Variants in SPECC1 observed in about 807,000 individuals in gnomAD.
SPECC1 encodes cytospin-B.
Under a neutral mutation model 104.1 loss-of-function variants are expected in SPECC1, and 62 were observed. The observed-to-expected ratio is 0.60, with a 90% CI of 0.49 to 0.74. The LOEUF (loss-of-function observed/expected upper bound fraction) is 0.74. Ranked by LOEUF, SPECC1 falls within the 30% of genes least tolerant of loss-of-function variation. SPECC1 has a pLI of 0.00. For missense variants in SPECC1, 1,306 were observed against 1,310.5 expected, an observed-to-expected ratio of 1.00 and a Z score of 0.05; for synonymous variants, 513 against 501.6, an observed-to-expected ratio of 1.02 and a Z score of -0.30.
chr17:20,035,071 A>G (rs2045009479), intron 1 of SPECC1, among the ~76,000 whole-genome samples: 1 of 152,242 alleles, frequency 6.6e-6, no homozygotes, highest in South Asian at 2.1e-4. Context: ...AAGTGTTTTA[A>G]CACCTTTGTC....
chr17:20,085,715 G>C (rs1243975050), intron 1 of SPECC1, among the ~76,000 whole-genome samples: 4 of 152,216 alleles, frequency 2.6e-5, no homozygotes, highest in African/African-American at 9.6e-5. Flanking sequence ...GAACAAAAAA[G>C]AAATCAGCCA....
intron 3 of SPECC1, among the ~76,000 whole-genome samples, chr17:20,199,720 CA>C (rs1214008354): frequency 2.0e-5 from 3 of 152,140 alleles, no homozygotes; most frequent in Non-Finnish European, 4.4e-5. Context: ...TACTGATTGA[CA>C]TTCTCACCAA....
At chr17:20,059,562 AC>A (rs1567818073) in intron 1 of SPECC1, among the ~76,000 whole-genome samples, 13 of 151,714 alleles carry the variant, frequency 8.6e-5, no homozygotes, top group African/African-American at 3.1e-4. Context: ...ATGAAGTGCA[AC>A]TTCTTCTACT....
intron 1 of SPECC1, among the ~76,000 whole-genome samples, chr17:20,096,336 G>T (rs2058921): frequency 6.6e-6 from 1 of 152,198 alleles, no homozygotes; most frequent in Non-Finnish European, 1.5e-5. Context: ...GATACATAGT[G>T]TATGGGTATT....
chr17:20,173,600 CTT>C (rs2034248085), intron 3 of SPECC1, among the ~76,000 whole-genome samples: 9 of 152,202 alleles, frequency 5.9e-5, no homozygotes, highest in Non-Finnish European at 1.2e-4. Flanking sequence ...GGCAACTTGC[CTT>C]ATTGGAGAGT....
At chr17:20,099,714 A>AC in intron 2 of SPECC1, among the ~76,000 whole-genome samples, 1 of 148,754 alleles carries the variant, frequency 6.7e-6, no homozygotes, top group Admixed American at 6.7e-5. Context: ...AAAAAAAAAA[A>AC]AAAAAACCCA....
intron 1 of SPECC1, among the ~76,000 whole-genome samples, chr17:20,074,359 G>A (rs1324163571): frequency 1.3e-5 from 2 of 152,160 alleles, no homozygotes; most frequent in African/African-American, 2.4e-5. Context: ...AAAGTTGGTG[G>A]CTTTTCTGGG....
intron 2 of SPECC1, among the ~76,000 whole-genome samples, chr17:20,108,862 T>C (rs2048351081): frequency 6.6e-6 from 1 of 152,056 alleles, no homozygotes; most frequent in Non-Finnish European, 1.5e-5. Context: ...CACTTAGGAG[T>C]CTCCCTTCTT....
At chr17:20,057,065 A>G (rs1315719429) in intron 1 of SPECC1, among the ~76,000 whole-genome samples, 1 of 152,160 alleles carries the variant, frequency 6.6e-6, no homozygotes, top group Non-Finnish European at 1.5e-5. Flanking sequence ...ATATGGATGT[A>G]GAGATTCTAG....
At position 20,205,073 on chromosome 17, in the gene SPECC1, C is replaced by T; in HGVS notation, c.1024C>T (p.Pro342Ser). Residue 342 changes from proline (P) to serine (S), a missense_variant, in exon 4 of 15, where the codon CCC (proline) becomes TCC (serine). Pro to Ser is a moderately conservative substitution (Grantham distance 74). Around this residue, in one of 2 missense-constraint regions of SPECC1, gnomAD observed 1,177 missense variants for 1,139.9 expected, o/e 1.03. Coordinates refer to ENST00000395527, the MANE Select transcript of SPECC1 (RefSeq NM_001243439.2). ...CATTACAGCAGAGACACCCTCAAGG[C>T]CCCTGTCCTCCACCAGTAACCCCTT... is the stretch of plus-strand genomic sequence containing the variant. ...EHITAETPSR[P>S]LSSTSNPFKS... The T allele has an allele frequency of 1.2e-6, 2 of 1,614,196 alleles. No homozygotes were observed. The highest frequency in any genetic ancestry group is 1.7e-6 in the Non-Finnish European group (2 of 1,180,022).
chr17:20,314,693 C>CG lies in SPECC1; in HGVS notation c.*628_*629insG. On this transcript the variant is annotated 3_prime_UTR_variant, in exon 15 of 15. Coordinates refer to ENST00000395527, the MANE Select transcript of SPECC1 (RefSeq NM_001243439.2). ...CCTTGTGAACCCTCCCTTCCCCCCT[C>CG]CCCCCCCAAAAAAAAACAACAAAAC... is the stretch of plus-strand genomic sequence containing the variant. 1.9e-5 allele frequency: 1 copy of CG among 53,582 alleles called. No homozygotes were observed. The highest frequency in any genetic ancestry group is 1.7e-4 in the East Asian group (1 of 5,896). The allele number at this position is 53,582 out of a possible 1,614,324, so 3.3% of individuals were successfully genotyped here. A position where few individuals can be genotyped will look rare whatever the true frequency, so the allele number is the denominator to read the frequency against.
chr17:20,126,002 G>A lies in SPECC1; in HGVS notation c.283+15440G>A, dbSNP rs80123538. Reference sequence around the variant, plus strand: ...GGCACAAGGTGCAGTGCTGGTTTGGGGATGGCAGCTCTCCTGGGTCCTCCC... The same window carrying A: ...GGCACAAGGTGCAGTGCTGGTTTGGAGATGGCAGCTCTCCTGGGTCCTCCC... On this transcript the variant is annotated intron_variant, in intron 3 of 14. Coordinates refer to ENST00000395527, the MANE Select transcript of SPECC1 (RefSeq NM_001243439.2). Among the ~76,000 whole-genome samples the A allele has an allele frequency of 2.9e-3, 448 of 152,282 alleles. 19 individuals are homozygous for A. The East Asian group carries it at 0.083, about 28-fold the overall frequency.
chr17:20,313,916 A>AG, intron 14 of SPECC1, 60 bp from the exon 15 acceptor site: 1 of 1,518,640 alleles, frequency 6.6e-7, no homozygotes, highest in Non-Finnish European at 9.1e-7. Flanking sequence ...GAAGTCCTTG[A>AG]GGGGAAGGGG....
chr17:20,191,128 G>C (rs1390861896), intron 3 of SPECC1, among the ~76,000 whole-genome samples: 1 of 152,054 alleles, frequency 6.6e-6, no homozygotes, highest in African/African-American at 2.4e-5. Flanking sequence ...CCATTATCTG[G>C]GTGTACCACA....
intron 4 of SPECC1, among the ~76,000 whole-genome samples, chr17:20,207,118 C>T (rs1327066954): frequency 6.6e-6 from 1 of 152,166 alleles, no homozygotes; most frequent in Non-Finnish European, 1.5e-5. Context: ...TAGGGATCTA[C>T]TGGCAAGAGA....
chr17:20,226,529 T>G (rs951224808), intron 4 of SPECC1, among the ~76,000 whole-genome samples: 4 of 152,210 alleles, frequency 2.6e-5, no homozygotes, highest in Non-Finnish European at 4.4e-5. Flanking sequence ...ATAATGCTTA[T>G]TACTCTCTGA....
At chr17:20,216,150 C>A (rs2037475415) in intron 4 of SPECC1, among the ~76,000 whole-genome samples, 1 of 152,128 alleles carries the variant, frequency 6.6e-6, no homozygotes. Context: ...CAAACCCTAC[C>A]CTTGGTCAAA....
At chr17:20,069,819 A>G (rs953512600) in intron 1 of SPECC1, among the ~76,000 whole-genome samples, 1 of 151,976 alleles carries the variant, frequency 6.6e-6, no homozygotes, top group Non-Finnish European at 1.5e-5. Flanking sequence ...AATATTTTAT[A>G]ATTAACATTT....
chr17:20,291,312 G>A (rs1001749193), intron 12 of SPECC1, among the ~76,000 whole-genome samples: 10 of 152,220 alleles, frequency 6.6e-5, no homozygotes, highest in African/African-American at 1.9e-4. Context: ...AAGCTGCAGG[G>A]CCTCTTTCAG....
Sources: allele counts gnomAD v4.1 joint callset (sites outside exome capture counted in the v4.1 genomes callset), GRCh38; gene constraint gnomAD v4.1.1; regional missense constraint gnomAD v4.1.1; transcripts MANE v1.5; gene names NCBI Gene and HGNC (gene_info 2026-07-23, HGNC 2026-07-21).